Variants in COL4A4 observed in about 807,000 individuals in gnomAD.
COL4A4 encodes the protein collagen alpha-4(IV) chain.
In COL4A4, 105 loss-of-function variants were observed where a neutral mutation model predicts 192.9. The observed-to-expected ratio is 0.54, with a 90% CI of 0.46 to 0.64. The LOEUF (loss-of-function observed/expected upper bound fraction) is 0.64, where lower values mean the gene tolerates loss of function less well. Ranked by LOEUF, COL4A4 falls within the 30% of genes least tolerant of loss-of-function variation. COL4A4 has a pLI of 0.00. For synonymous variants in COL4A4, 762 were observed against 769.9 expected (o/e 0.99, Z 0.17); for missense variants, 1,967 against 2,169.3 (o/e 0.91, Z 1.85).
intron 37 of COL4A4, among the ~76,000 whole-genome samples, chr2:227,041,860 AAG>A (rs1384697280): frequency 3.3e-5 from 3 of 92,284 alleles, no homozygotes; most frequent in African/African-American, 5.5e-5. Flanking sequence ...GAAAGAAAGA[AAG>A]AAAGAAAGAA....
At chr2:227,080,977 G>C (rs2059294243) in intron 23 of COL4A4, among the ~76,000 whole-genome samples, 1 of 152,164 alleles carries the variant, frequency 6.6e-6, no homozygotes, top group Non-Finnish European at 1.5e-5. Flanking sequence ...TAAGAACTTG[G>C]AGCTGCCTGG....
At chr2:227,082,291 A>T in intron 22 of COL4A4, 104 bp from the exon 23 acceptor site, 1 of 1,088,844 alleles carries the variant, frequency 9.2e-7, no homozygotes. Flanking sequence ...ATCTCTTGTT[A>T]AAGATTCTAG....
the COL4A4 span, among the ~76,000 whole-genome samples, chr2:226,978,141 A>G: frequency 6.6e-5 from 10 of 152,202 alleles, no homozygotes; most frequent in African/African-American, 2.4e-4. Context: ...ACTTGCCCTT[A>G]ATCTGTCTTC....
chr2:227,120,916 G>C, intron 5 of COL4A4, 98 bp downstream of exon 5: 2 of 1,502,004 alleles, frequency 1.3e-6, no homozygotes, highest in South Asian at 2.3e-5. Flanking sequence ...TCTAGCCTGA[G>C]TGACAGAGTA....
chr2:227,051,286 A>T, intron 32 of COL4A4, 128 bp from the exon 33 acceptor site: 1 of 939,794 alleles, frequency 1.1e-6, no homozygotes, highest in South Asian at 1.3e-5. Flanking sequence ...TGCTGTCCCA[A>T]GCCGCTTCCT....
At chr2:226,971,450 TTTCTCATTGTTTTG>T in the COL4A4 span, among the ~76,000 whole-genome samples, 1 of 152,214 alleles carries the variant, frequency 6.6e-6, no homozygotes, top group African/African-American at 2.4e-5. Flanking sequence ...TTCCTCCCCA[TTTCTCATTGTTTTG>T]TTCCAAGCCA....
At chr2:227,056,890 C>G (rs957566219) in intron 29 of COL4A4, among the ~76,000 whole-genome samples, 2 of 152,150 alleles carry the variant, frequency 1.3e-5, no homozygotes, top group Non-Finnish European at 2.9e-5. Flanking sequence ...GACTTCCCAG[C>G]CTCCTGAGCC....
intron 25 of COL4A4, among the ~76,000 whole-genome samples, chr2:227,070,372 T>C (rs912966624): frequency 1.3e-5 from 2 of 152,212 alleles, no homozygotes; most frequent in Non-Finnish European, 2.9e-5. Flanking sequence ...TTACTGGGTA[T>C]ATACCCAAAG....
At chr2:227,067,654 G>A (rs1279971629) in intron 25 of COL4A4, among the ~76,000 whole-genome samples, 1 of 152,144 alleles carries the variant, frequency 6.6e-6, no homozygotes, top group African/African-American at 2.4e-5. Flanking sequence ...AGATAAAGAT[G>A]TTCTTTGAAA....
At chr2:227,084,019 A>G (rs1253908398) in intron 22 of COL4A4, among the ~76,000 whole-genome samples, 1 of 152,244 alleles carries the variant, frequency 6.6e-6, no homozygotes, top group Non-Finnish European at 1.5e-5. Flanking sequence ...AATATCTCTG[A>G]TATCACTCTA....
intron 2 of COL4A4, 58 bp downstream of exon 2, chr2:227,147,355 A>T (rs777172039): frequency 1.3e-6 from 2 of 1,505,298 alleles, no homozygotes; most frequent in South Asian, 1.1e-5. Context: ...CATCCATAGA[A>T]CAAACATTGA....
chr2:227,013,776 C>T (rs575343352), intron 44 of COL4A4, among the ~76,000 whole-genome samples: 1 of 152,292 alleles, frequency 6.6e-6, no homozygotes, highest in African/African-American at 2.4e-5. Context: ...AAGTGGCTTT[C>T]ACTGTTGCTT....
chr2:227,032,391 C>G, intron 38 of COL4A4, 115 bp from the exon 39 acceptor site: 8 of 1,197,770 alleles, frequency 6.7e-6, no homozygotes, highest in Non-Finnish European at 7.2e-6. Flanking sequence ...TCTGCAGACA[C>G]CAACAACTGG....
chr2:227,022,227 CCTT>C, intron 43 of COL4A4, 54 bp from the exon 44 acceptor site: 1 of 1,608,858 alleles, frequency 6.2e-7, no homozygotes, highest in Admixed American at 1.7e-5. Flanking sequence ...TGAACAAGCT[CCTT>C]CTACAGTCTC....
intron 41 of COL4A4, among the ~76,000 whole-genome samples, chr2:227,029,793 TA>T (rs1967858965): frequency 6.6e-6 from 1 of 152,226 alleles, no homozygotes; most frequent in Non-Finnish European, 1.5e-5. Context: ...ATAAATATTT[TA>T]ACCTCAAATA....
intron 23 of COL4A4, among the ~76,000 whole-genome samples, chr2:227,081,229 A>C (rs1648071709): frequency 6.6e-6 from 1 of 152,090 alleles, no homozygotes; most frequent in African/African-American, 2.4e-5. Flanking sequence ...GAGTCAGTGG[A>C]CTGCGACAGG....
intron 10 of COL4A4, 137 bp downstream of exon 10, chr2:227,109,087 G>A (rs2061025272): frequency 1.1e-6 from 1 of 938,836 alleles, no homozygotes; most frequent in African/African-American, 1.6e-5. Flanking sequence ...CACTGATAAT[G>A]GTGGGTTTTC....
chr2:226,972,938 AAAAAAAAC>A, the COL4A4 span, among the ~76,000 whole-genome samples: 1 of 151,772 alleles, frequency 6.6e-6, no homozygotes, highest in African/African-American at 2.4e-5. Context: ...GCAAAAAAAA[AAAAAAAAC>A]AAAAAACCAT....
At position 227,003,934 on chromosome 2, in the gene COL4A4, A is replaced by G. The variant is rs1383983375; in HGVS notation, c.*3391T>C. ...GTAACAAGAGAATGTGGGTATACAA[A>G]TATGTTGAATATTAAAATATTCTGA... On this transcript the variant is annotated 3_prime_UTR_variant, in exon 48 of 48. Coordinates refer to ENST00000396625, the MANE Select transcript of COL4A4 (RefSeq NM_000092.5). 1 of 152,246 alleles carries G rather than the reference A, an allele frequency of 6.6e-6. No homozygotes were observed. Among genetic ancestry groups the G allele is most frequent in the African/African-American group, 2.4e-5 (1 of 41,452 alleles). 9.4% of individuals were successfully genotyped at this position (152,246 alleles called of 1,614,324 possible).
Sources: gnomAD v4.1 joint callset for allele counts (sites outside exome capture counted in the v4.1 genomes callset) on GRCh38, gnomAD v4.1.1 for gene constraint, MANE v1.5 for transcripts, NCBI Gene and HGNC (gene_info 2026-07-23, HGNC 2026-07-21) for gene names.